APBB2: variants seen among roughly 807,000 people sequenced by gnomAD.
APBB2 encodes amyloid beta precursor protein binding family B member 2, also known as Fe65-like 1.
In APBB2, 38 loss-of-function variants were observed where a neutral mutation model predicts 82.5. The observed-to-expected ratio is 0.46, with a 90% confidence interval of 0.36 to 0.60. The LOEUF is 0.60. APBB2 is among the 20% of genes least tolerant of loss of function. APBB2 has a pLI of 0.00. For synonymous variants in APBB2, 341 were observed against 368.2 expected (o/e 0.93, Z 0.85); for missense variants, 772 against 972.3 (o/e 0.79, Z 2.74).
intron 10 of APBB2, among the ~76,000 whole-genome samples, chr4:40,909,446 T>TAAC (rs1293474862): frequency 2.0e-5 from 3 of 152,198 alleles, no homozygotes; most frequent in African/African-American, 7.2e-5. Flanking sequence ...ATCAGCATCC[T>TAAC]AACAGCCAGG....
intron 5 of APBB2, among the ~76,000 whole-genome samples, chr4:41,028,093 G>A (rs16852734): frequency 0.046 from 6,992 of 152,122 alleles, 343 homozygotes; most frequent in African/African-American, 0.13. Context: ...TAAAAGCCTC[G>A]CAAATTTTCT....
intron 1 of APBB2, among the ~76,000 whole-genome samples, chr4:41,154,303 G>T (rs775638671): frequency 1.3e-5 from 2 of 152,048 alleles, no homozygotes; most frequent in African/African-American, 4.8e-5. Flanking sequence ...CATTATACCC[G>T]CTTCTACTAG....
At chr4:41,049,927 G>A (rs370576455) in intron 4 of APBB2, among the ~76,000 whole-genome samples, 9 of 151,974 alleles carry the variant, frequency 5.9e-5, no homozygotes, top group African/African-American at 1.4e-4. Flanking sequence ...CAGCATGCTC[G>A]TTAAGAGTCA....
At chr4:41,008,288 C>T (rs551318460) in intron 6 of APBB2, among the ~76,000 whole-genome samples, 37 of 152,174 alleles carry the variant, frequency 2.4e-4, no homozygotes, top group Non-Finnish European at 4.9e-4. Context: ...CCCAGTAACT[C>T]GGGTTATTCA....
intron 3 of APBB2, among the ~76,000 whole-genome samples, chr4:41,090,589 T>C (rs1406365296): frequency 6.6e-6 from 1 of 152,206 alleles, no homozygotes; most frequent in Non-Finnish European, 1.5e-5. Context: ...GCAGTCTGAA[T>C]GCTGTAAAGA....
intron 2 of APBB2, among the ~76,000 whole-genome samples, chr4:41,137,709 C>A (rs1362727014): frequency 6.6e-6 from 1 of 152,136 alleles, no homozygotes; most frequent in Admixed American, 6.5e-5. Context: ...AAAGCCCTTA[C>A]ATTTGTGGTC....
intron 2 of APBB2, among the ~76,000 whole-genome samples, chr4:41,129,917 A>G (rs947457249): frequency 1.3e-5 from 2 of 152,138 alleles, no homozygotes; most frequent in African/African-American, 4.8e-5. Context: ...ATCTACAGGG[A>G]AAAAAATTAA....
At chr4:41,037,230 T>C (rs1224404928) in intron 4 of APBB2, among the ~76,000 whole-genome samples, 2 of 152,226 alleles carry the variant, frequency 1.3e-5, no homozygotes, top group Non-Finnish European at 2.9e-5. Flanking sequence ...TTCCAATGAA[T>C]ATTGCATCCA....
chr4:40,833,916 C>T (rs932873666), intron 12 of APBB2, among the ~76,000 whole-genome samples: 16 of 152,194 alleles, frequency 1.1e-4, no homozygotes, highest in Admixed American at 6.5e-5. Context: ...TATCGAACTT[C>T]GGCTTTGTGC....
At chr4:41,190,899 C>T (rs549088653) in intron 1 of APBB2, among the ~76,000 whole-genome samples, 1 of 152,182 alleles carries the variant, frequency 6.6e-6, no homozygotes, top group Non-Finnish European at 1.5e-5. Context: ...AATGGACCAA[C>T]GCTGGTCTGC....
At chr4:41,202,629 T>C (rs1244018569) in intron 1 of APBB2, among the ~76,000 whole-genome samples, 3 of 152,200 alleles carry the variant, frequency 2.0e-5, no homozygotes, top group Non-Finnish European at 2.9e-5. Flanking sequence ...CTGCATCACA[T>C]AGAAACATTC....
intron 6 of APBB2, among the ~76,000 whole-genome samples, chr4:41,004,139 G>A (rs553978429): frequency 3.8e-4 from 58 of 151,524 alleles, no homozygotes; most frequent in Non-Finnish European, 5.3e-4. Context: ...GACTGGTCTC[G>A]AACTCCTGAC....
intron 8 of APBB2, 166 bp from the exon 9 acceptor site, chr4:40,934,865 C>G (rs1211902346): frequency 1.5e-6 from 1 of 683,456 alleles, no homozygotes; most frequent in Non-Finnish European, 2.5e-6. Flanking sequence ...GTGCAAACTC[C>G]TGTTCTTACA....
intron 17 of APBB2, among the ~76,000 whole-genome samples, chr4:40,819,132 GTCTC>G (rs1746864455): frequency 6.6e-6 from 1 of 150,872 alleles, no homozygotes; most frequent in South Asian, 2.1e-4. Context: ...AAAGTAAAAG[GTCTC>G]TCTAACTAAT....
intron 5 of APBB2, among the ~76,000 whole-genome samples, chr4:41,024,289 A>C (rs1192060845): frequency 6.6e-6 from 1 of 152,182 alleles, no homozygotes; most frequent in African/African-American, 2.4e-5. Context: ...ATTTCATGAC[A>C]AAGACACCAA....
intron 10 of APBB2, among the ~76,000 whole-genome samples, chr4:40,906,030 C>T (rs1776607654): frequency 6.6e-6 from 1 of 152,168 alleles, no homozygotes; most frequent in South Asian, 2.1e-4. Context: ...TTAAGATATA[C>T]ATTTGTGTAG....
At chr4:41,049,105 C>A (rs1724631127) in intron 4 of APBB2, among the ~76,000 whole-genome samples, 1 of 151,116 alleles carries the variant, frequency 6.6e-6, no homozygotes, top group African/African-American at 2.4e-5. Context: ...AAGTGAGGAG[C>A]GTCTCTGCCT....
intron 7 of APBB2, among the ~76,000 whole-genome samples, chr4:40,940,098 TGAG>T (rs201948797): frequency 0.026 from 3,889 of 152,186 alleles, 96 homozygotes; most frequent in Non-Finnish European, 0.039. Flanking sequence ...GTGCACAGGA[TGAG>T]GAGAACAGGT....
intron 6 of APBB2, 28 bp from the exon 7 acceptor site, chr4:40,945,101 G>GA (rs758836853): frequency 1.4e-6 from 1 of 738,546 alleles, no homozygotes; most frequent in Non-Finnish European, 2.3e-6. Flanking sequence ...GGGGCGGGGG[G>GA]AGAAAGAGAG....
Sources: allele counts gnomAD v4.1 joint callset (sites outside exome capture counted in the v4.1 genomes callset), GRCh38; gene constraint gnomAD v4.1.1; transcripts MANE v1.5; gene names NCBI Gene and HGNC (gene_info 2026-07-23, HGNC 2026-07-21).